Variants in AP2M1 observed in about 807,000 individuals in gnomAD.
AP2M1 encodes AP-2 complex subunit mu.
In AP2M1, 5 loss-of-function variants were observed where a neutral mutation model predicts 54.5. That is an observed-to-expected ratio of 0.09 (90% CI 0.05 to 0.19). The LOEUF is 0.19. Among genes scored for constraint, AP2M1 ranks in the 10% least tolerant of loss-of-function variants. The pLI is 1.00. For missense variants in AP2M1, 178 were observed against 580.2 expected (o/e 0.31, Z 7.12); for synonymous variants, 186 against 208.2 (o/e 0.89, Z 0.92).
rs953234157 is a variant in AP2M1 at position 184,177,170 on chromosome 3, C to T, written c.74+103C>T. 3.4e-5 allele frequency: 40 copies of T among 1,183,100 alleles called. No individual in the cohort carries two copies. In the Middle Eastern group the frequency reaches 1.0e-3, roughly 30 times the overall value. 73.3% of individuals were successfully genotyped at this position (1,183,100 alleles called of 1,614,324 possible). ...CACCATTGGCTTGACTTGGGCCACCCTGACCCCTGGCTGCACCCTGGAAGC... is the reference window on the plus strand; with the variant it reads ...CACCATTGGCTTGACTTGGGCCACCTTGACCCCTGGCTGCACCCTGGAAGC... On this transcript the variant is annotated intron_variant, in intron 2 of 11. Coordinates refer to ENST00000292807, the MANE Select transcript of AP2M1 (RefSeq NM_004068.4).
Position 184,180,209 on chromosome 3 carries a change from C to G in AP2M1, c.381C>G (p.Gly127=), listed in dbSNP as rs767831797. 6 of 1,614,076 alleles carry G rather than the reference C, an allele frequency of 3.7e-6. No individual in the cohort carries two copies. The highest frequency in any genetic ancestry group is 5.1e-6 in the Non-Finnish European group (6 of 1,180,048). ...GCTACCCACAGAATTCCGAGACAGGCGCGCTGAAAACCTTCATCACGCAGC... is the reference window on the plus strand; with the variant it reads ...GCTACCCACAGAATTCCGAGACAGGGGCGCTGAAAACCTTCATCACGCAGC... ...DFGYPQNSET[G]ALKTFITQQG... is the part of the protein sequence containing the mutation. The change falls in exon 4 of 12, where the codon GGC becomes GGG. Residue 127 remains glycine, a synonymous_variant. Transcript: ENST00000292807. The surrounding 1 kb of genome is among the most constrained non-coding windows in gnomAD (Gnocchi z 4.9).
In AP2M1 at chr3:184,182,571, T is replaced by C. The variant is rs1715309595; in HGVS notation, c.1062-186T>C. Among the ~76,000 whole-genome samples the C allele has an allele frequency of 6.6e-6, 1 of 152,128 alleles. No individual in the cohort carries two copies. Among genetic ancestry groups the C allele is most frequent in the Admixed American group, 6.5e-5 (1 of 15,274 alleles). On this transcript the variant is annotated intron_variant, in intron 10 of 11. Transcript: ENST00000292807. The surrounding 1 kb of genome is among the most constrained non-coding windows in gnomAD (Gnocchi z 5.5). ...CATGTCCAAGTGTCTAGGCAGAAAC[T>C]GCATCCTGTTGTTCTAAAGAAGTAG... is the stretch of plus-strand genomic sequence containing the variant.
chr3:184,181,895 G>T lies in AP2M1; in HGVS notation c.828-17G>T. ...AGTGGGTCAGCTCTTTGGTAACCTT[G>T]CTTCCCATCCCTTAAGGTATCGCAC... On this transcript the variant is annotated splice_polypyrimidine_tract_variant and intron_variant, in intron 8 of 11. Transcript: ENST00000292807. This position sits in a 1 kb window ranked among gnomAD's most constrained non-coding sequence, Gnocchi z 5.7. The T allele has an allele frequency of 6.2e-7, 1 of 1,613,814 alleles. No homozygotes were observed. Among genetic ancestry groups the T allele is most frequent in the Non-Finnish European group, 8.5e-7 (1 of 1,179,734 alleles).
At position 184,181,351 on chromosome 3, in the gene AP2M1, A is replaced by T. The variant is rs1396440957; in HGVS notation, c.707+125A>T. 3 of 1,420,832 alleles carry T rather than the reference A, an allele frequency of 2.1e-6. No homozygotes were observed. The highest frequency in any genetic ancestry group is 2.9e-6 in the Non-Finnish European group (3 of 1,032,144). The allele number at this position is 1,420,832 out of a possible 1,614,324, so 88.0% of individuals were successfully genotyped here. A position where few individuals can be genotyped will look rare whatever the true frequency, so the allele number is the denominator to read the frequency against. ...ATTGCAAACTCTGTTCCTGACGGTA[A>T]GCCTGGCTGTTCGCTCTTGACATTA... On this transcript the variant is annotated intron_variant, in intron 7 of 11. Transcript: ENST00000292807. This position sits in a 1 kb window ranked among gnomAD's most constrained non-coding sequence, Gnocchi z 5.7.
At position 184,179,041 on chromosome 3, in the gene AP2M1, G is replaced by A; in HGVS notation, c.259G>A (p.Asp87Asn). 2 of 1,614,220 alleles carry A rather than the reference G, an allele frequency of 1.2e-6. No homozygotes were observed. Among genetic ancestry groups the A allele is most frequent in the Non-Finnish European group, 1.7e-6 (2 of 1,180,044 alleles). Residue 87 changes from aspartate to asparagine, a missense_variant, in exon 3 of 12, where the codon GAC (aspartate) becomes AAC (asparagine). Asp to Asn is a conservative substitution (Grantham distance 23). Around this residue, in one of 5 missense-constraint regions of AP2M1, gnomAD observed 115 missense variants for 331.2 expected, o/e 0.35. Coordinates refer to ENST00000292807, the MANE Select transcript of AP2M1 (RefSeq NM_004068.4). ...MVFEFLYKMC[D>N]VMAAYFGKIS... ...CTTCGAATTCCTCTATAAGATGTGT[G>A]ACGTGATGGCTGCCTACTTTGGCAA...
At position 184,181,980 on chromosome 3, in the gene AP2M1, C is replaced by G. The variant is rs780471771; in HGVS notation, c.896C>G (p.Thr299Ser). 1.9e-6 allele frequency: 3 copies of G among 1,614,048 alleles called. No homozygotes were observed. Among genetic ancestry groups the G allele is most frequent in the Non-Finnish European group, 2.5e-6 (3 of 1,180,038 alleles). The change falls in exon 9 of 12, where the codon ACC (threonine) becomes AGC (serine). Residue 299 changes from threonine to serine, a missense_variant. Around this residue, in one of 5 missense-constraint regions of AP2M1, gnomAD observed 59 missense variants for 176.8 expected, o/e 0.33. Coordinates refer to ENST00000292807, the MANE Select transcript of AP2M1 (RefSeq NM_004068.4). This position sits in a 1 kb window ranked among gnomAD's most constrained non-coding sequence, Gnocchi z 5.7. ...VIPLVREVGR[T>S]KLEVKVVIKS... ...CCGCTAGTGCGAGAAGTGGGACGCA[C>G]CAAACTGGAGGTCAAGGTGGTCATC...
intron 2 of AP2M1, chr3:184,177,574 A>G (rs1247781349): frequency 2.0e-6 from 3 of 1,535,972 alleles, no homozygotes; most frequent in South Asian, 1.2e-5. Context: ...AGCTGTCTTC[A>G]GTTCCTCTGG....
Position 184,181,517 on chromosome 3 carries a change from A to G in AP2M1, c.708-179A>G, listed in dbSNP as rs1052328546. 3.0e-5 allele frequency: 28 copies of G among 926,674 alleles called. No homozygotes were observed. The Admixed American group carries it at 5.8e-4, about 19-fold the overall frequency. The allele number at this position is 926,674 out of a possible 1,614,324, so 57.4% of individuals were successfully genotyped here. On this transcript the variant is annotated intron_variant, in intron 7 of 11. Coordinates refer to ENST00000292807, the MANE Select transcript of AP2M1 (RefSeq NM_004068.4). This position sits in a 1 kb window ranked among gnomAD's most constrained non-coding sequence, Gnocchi z 5.7. ...CAGGTCCCTAGCAGAAGGAGCCCCA[A>G]GAGATGAGCTTGCAAGGCTTCCCTC...
At position 184,177,452 on chromosome 3, in the gene AP2M1, T is replaced by G; in HGVS notation, c.74+385T>G. On this transcript the variant is annotated intron_variant, in intron 2 of 11. Transcript: ENST00000292807. Reference sequence around the variant, plus strand: ...AGGCACTAATCCATCTAAGCCTTGCTCTCAGAAGCCCTTCCCATATCAAAC... The same window carrying G: ...AGGCACTAATCCATCTAAGCCTTGCGCTCAGAAGCCCTTCCCATATCAAAC... 4 of 1,255,748 alleles carry G rather than the reference T, an allele frequency of 3.2e-6. 1 individual carries two copies. The highest frequency in any genetic ancestry group is 4.5e-6 in the Non-Finnish European group (4 of 897,186). The allele number at this position is 1,255,748 out of a possible 1,614,324, so 77.8% of individuals were successfully genotyped here. A position where few individuals can be genotyped will look rare whatever the true frequency, so the allele number is the denominator to read the frequency against.
chr3:184,180,463 G>C lies in AP2M1; in HGVS notation c.424-182G>C. 9.0e-7 allele frequency: 1 copy of C among 1,110,018 alleles called. No individual in the cohort carries two copies. The highest frequency in any genetic ancestry group is 1.3e-6 in the Non-Finnish European group (1 of 767,218). 68.8% of individuals were successfully genotyped at this position (1,110,018 alleles called of 1,614,324 possible). On this transcript the variant is annotated intron_variant, in intron 4 of 11. Coordinates refer to ENST00000292807, the MANE Select transcript of AP2M1 (RefSeq NM_004068.4). The surrounding 1 kb of genome is among the most constrained non-coding windows in gnomAD (Gnocchi z 4.9). ...CAGCATCTCTATTACCAGGAATACA[G>C]CTCAAGCAGTTTCCTTTTGCACTGA...
chr3:184,179,566 C>A (rs1190109465), intron 3 of AP2M1, among the ~76,000 whole-genome samples: 1 of 152,130 alleles, frequency 6.6e-6, no homozygotes, highest in Admixed American at 6.5e-5. Flanking sequence ...AAGGTGAATA[C>A]TTCCACCTTC....
In AP2M1 at chr3:184,182,909, T is replaced by A. The variant is rs368179342; in HGVS notation, c.1173+41T>A. 1,992 of 1,537,854 alleles carry A rather than the reference T, an allele frequency of 1.3e-3. 21 individuals carry two copies. In the South Asian group the frequency reaches 0.015, roughly 11 times the overall value. On this transcript the variant is annotated intron_variant, in intron 11 of 11. Coordinates refer to ENST00000292807, the MANE Select transcript of AP2M1 (RefSeq NM_004068.4). This position sits in a 1 kb window ranked among gnomAD's most constrained non-coding sequence, Gnocchi z 5.5. ...GGCCTAGAGTCATGCCAGGGTATGC[T>A]GGAAGACCTCTTAGAGATCATTCCG...
chr3:184,181,655 TTCTCCTGTACCAATGAGACC>T lies in AP2M1; in HGVS notation c.708-37_708-18del. The T allele has an allele frequency of 6.2e-7, 1 of 1,607,560 alleles. No homozygotes were observed. Reference sequence around the variant, plus strand: ...TGGTCTCCCAGCATGACAGCTGTCATTCTCCTGTACCAATGAGACCTCTTCTGCCCCTGCTTGCAGCGGGA... The same window carrying T: ...TGGTCTCCCAGCATGACAGCTGTCATTCTTCTGCCCCTGCTTGCAGCGGGA... On this transcript the variant is annotated intron_variant, in intron 7 of 11. Transcript: ENST00000292807. This position sits in a 1 kb window ranked among gnomAD's most constrained non-coding sequence, Gnocchi z 5.7.
Position 184,178,991 on chromosome 3 carries a change from A to G in AP2M1, c.209A>G (p.Lys70Arg), listed in dbSNP as rs1366273789. The change falls in exon 3 of 12, where the codon AAG (lysine) becomes AGG (arginine). Residue 70 changes from lysine (K) to arginine (R), a missense_variant. Coordinates refer to ENST00000292807, the MANE Select transcript of AP2M1 (RefSeq NM_004068.4). This position sits in a 1 kb window ranked among gnomAD's most constrained non-coding sequence, Gnocchi z 4.9. ...AACATTTGGCTGGCAGCAGTCACCA[A>G]GCAGAATGTCAACGCTGCCATGGTC... The part of the protein sequence containing the change: ...RSNIWLAAVT[K>R]QNVNAAMVFE... The G allele has an allele frequency of 6.2e-7, 1 of 1,614,106 alleles. No individual in the cohort carries two copies. The highest frequency in any genetic ancestry group is 8.5e-7 in the Non-Finnish European group (1 of 1,180,048).
In AP2M1 at chr3:184,181,619, C is replaced by T. The variant is rs1715276365; in HGVS notation, c.708-77C>T. 3.1e-5 allele frequency: 49 copies of T among 1,566,498 alleles called. No individual in the cohort carries two copies. The highest frequency in any genetic ancestry group is 4.2e-5 in the Non-Finnish European group (48 of 1,145,894). On this transcript the variant is annotated intron_variant, in intron 7 of 11. Transcript: ENST00000292807. This position sits in a 1 kb window ranked among gnomAD's most constrained non-coding sequence, Gnocchi z 5.7. ...GCTTTTCATAGTCTCTGGTGCCAGC[C>T]TGGGGTGGAGTGGTCTCCCAGCATG... is the stretch of plus-strand genomic sequence containing the variant.
At chr3:184,177,278 G>A (rs919507396) in intron 2 of AP2M1, among the ~76,000 whole-genome samples, 3 of 152,250 alleles carry the variant, frequency 2.0e-5, no homozygotes, top group African/African-American at 7.2e-5. Context: ...GGGACCTGTG[G>A]AATGGCATGG....
Position 184,181,267 on chromosome 3 carries a change from G to C in AP2M1, c.707+41G>C. Reference sequence around the variant, plus strand: ...GAGCTGGTGGGAGAGGGTGTCCCTTGGAGGGCTCAGTGGGGTCTAGTGAAC... The same window carrying C: ...GAGCTGGTGGGAGAGGGTGTCCCTTCGAGGGCTCAGTGGGGTCTAGTGAAC... On this transcript the variant is annotated intron_variant, in intron 7 of 11. Coordinates refer to ENST00000292807, the MANE Select transcript of AP2M1 (RefSeq NM_004068.4). The surrounding 1 kb of genome is among the most constrained non-coding windows in gnomAD (Gnocchi z 5.7). 8 of 1,611,826 alleles carry C rather than the reference G, an allele frequency of 5.0e-6. No homozygotes were observed. Among genetic ancestry groups the C allele is most frequent in the Non-Finnish European group, 5.9e-6 (7 of 1,178,894 alleles).
Position 184,180,195 on chromosome 3 carries a change from A to G in AP2M1, c.367A>G (p.Asn123Asp). 6.2e-7 allele frequency: 1 copy of G among 1,614,208 alleles called. No individual in the cohort carries two copies. ...GATTCTAGACTTTGGCTACCCACAGAATTCCGAGACAGGCGCGCTGAAAAC... is the reference window on the plus strand; with the variant it reads ...GATTCTAGACTTTGGCTACCCACAGGATTCCGAGACAGGCGCGCTGAAAAC... ...DEILDFGYPQ[N>D]SETGALKTFI... The change falls in exon 4 of 12, where the codon AAT becomes GAT. Residue 123 changes from asparagine (N) to aspartate (D), a missense_variant. Physicochemically the swap from Asn to Asp is conservative, Grantham distance 23. Coordinates refer to ENST00000292807, the MANE Select transcript of AP2M1 (RefSeq NM_004068.4). The surrounding 1 kb of genome is among the most constrained non-coding windows in gnomAD (Gnocchi z 4.9).
intron 1 of AP2M1, among the ~76,000 whole-genome samples, chr3:184,176,495 G>A (rs1715077295): frequency 6.6e-6 from 1 of 152,212 alleles, no homozygotes; most frequent in Admixed American, 6.5e-5. Context: ...GAGCCCAAGA[G>A]ACTGGATGCT....
Sources: allele counts gnomAD v4.1 joint callset (sites outside exome capture counted in the v4.1 genomes callset), GRCh38; gene constraint gnomAD v4.1.1; regional missense constraint gnomAD v4.1.1; non-coding constraint Gnocchi (gnomAD v3.1); transcripts MANE v1.5; gene names NCBI Gene and HGNC (gene_info 2026-07-23, HGNC 2026-07-21).